The following COL4A2 variants were observed in gnomAD, a reference collection of about 807,000 sequenced individuals.
COL4A2 encodes the protein collagen alpha-2(IV) chain.
Under a neutral mutation model 200.2 loss-of-function variants are expected in COL4A2, and 99 were observed. The observed-to-expected ratio is 0.49, with a 90% confidence interval of 0.42 to 0.58. COL4A2 has a LOEUF of 0.58. Among genes scored for constraint, COL4A2 ranks in the 20% least tolerant of loss-of-function variants. The pLI is 0.00. For synonymous variants in COL4A2, 897 were observed against 900.6 expected (o/e 1.00, Z 0.07); for missense variants, 1,950 against 2,314.1 (o/e 0.84, Z 3.23).
At chr13:110,378,187 G>T (rs558857719) in intron 4 of COL4A2, among the ~76,000 whole-genome samples, 3 of 152,322 alleles carry the variant, frequency 2.0e-5, no homozygotes, top group East Asian at 1.9e-4. Context: ...GCTAAAATAA[G>T]ATGCATGCAG....
At chr13:110,475,699 G>C (rs4569124) in intron 29 of COL4A2, among the ~76,000 whole-genome samples, 63,712 of 152,138 alleles carry the variant, frequency 0.42, 13,489 homozygotes, top group Middle Eastern at 0.52. Context: ...TACAGGAGCA[G>C]CGTGCAGCGG....
chr13:110,392,285 C>T (rs573575018), intron 4 of COL4A2, among the ~76,000 whole-genome samples: 4 of 152,292 alleles, frequency 2.6e-5, no homozygotes, highest in African/African-American at 9.6e-5. Flanking sequence ...CTTGCATTCA[C>T]GTTCCAAAGC....
chr13:110,440,442 A>G (rs1339868054), intron 16 of COL4A2, among the ~76,000 whole-genome samples: 1 of 152,092 alleles, frequency 6.6e-6, no homozygotes, highest in African/African-American at 2.4e-5. Flanking sequence ...TACTAAAAAT[A>G]CAAAATTTGC....
intron 21 of COL4A2, chr13:110,458,095 T>A (rs1330826100): frequency 2.1e-6 from 1 of 469,472 alleles, no homozygotes; most frequent in East Asian, 7.0e-5. Context: ...ACTTACCACG[T>A]CTTGGCCGTT....
chr13:110,365,342 T>C (rs1877698127), intron 4 of COL4A2, among the ~76,000 whole-genome samples: 1 of 152,180 alleles, frequency 6.6e-6, no homozygotes, highest in African/African-American at 2.4e-5. Flanking sequence ...GGTTTCTCCA[T>C]GTTGGCCAGG....
intron 4 of COL4A2, among the ~76,000 whole-genome samples, chr13:110,380,098 A>C (rs1878405473): frequency 6.6e-6 from 1 of 152,146 alleles, no homozygotes; most frequent in Non-Finnish European, 1.5e-5. Flanking sequence ...TGTTTGAGCA[A>C]AGCATCTGTG....
At chr13:110,370,715 A>G (rs1160130509) in intron 4 of COL4A2, among the ~76,000 whole-genome samples, 2 of 152,202 alleles carry the variant, frequency 1.3e-5, no homozygotes, top group Non-Finnish European at 2.9e-5. Flanking sequence ...GGAGATGGAG[A>G]AATTGAAGGT....
chr13:110,481,948 C>T (rs1430113579), intron 31 of COL4A2, among the ~76,000 whole-genome samples: 4 of 119,934 alleles, frequency 3.3e-5, no homozygotes, highest in South Asian at 2.3e-4. Context: ...TCTGTCCCTC[C>T]GTGCTGGAGA....
At chr13:110,311,706 C>T (rs1332494644) in intron 3 of COL4A2, among the ~76,000 whole-genome samples, 5 of 152,200 alleles carry the variant, frequency 3.3e-5, no homozygotes, top group Non-Finnish European at 5.9e-5. Flanking sequence ...TCACTGTAGC[C>T]GCTCTGAGCA....
intron 45 of COL4A2, among the ~76,000 whole-genome samples, chr13:110,505,941 C>T (rs992390374): frequency 6.6e-6 from 1 of 152,184 alleles, no homozygotes; most frequent in Non-Finnish European, 1.5e-5. Context: ...CCTCTGTGCC[C>T]AGTGCCCTCA....
At position 110,503,902 on chromosome 13, in the gene COL4A2, C is replaced by T. The variant is rs1334113593; in HGVS notation, c.4194C>T (p.Ala1398=). ...PGIAGIPQKI[A]VQPGTVGPQG... ...TTGCAGGAATCCCCCAGAAGATTGCCGTCCAACCAGGGACAGTGGGTCCCC... is the reference window on the plus strand; with the variant it reads ...TTGCAGGAATCCCCCAGAAGATTGCTGTCCAACCAGGGACAGTGGGTCCCC... Residue 1398 remains alanine, a synonymous_variant, in exon 44 of 48, where the codon GCC becomes GCT. Coordinates refer to ENST00000360467, the MANE Select transcript of COL4A2 (RefSeq NM_001846.4). The T allele has an allele frequency of 1.1e-5, 18 of 1,613,366 alleles. No individual in the cohort carries two copies. Among genetic ancestry groups the T allele is most frequent in the Non-Finnish European group, 1.4e-5 (17 of 1,179,556 alleles).
intron 22 of COL4A2, 188 bp from the exon 23 acceptor site, chr13:110,461,926 A>T: frequency 1.4e-6 from 1 of 739,274 alleles, no homozygotes; most frequent in Non-Finnish European, 2.2e-6. Context: ...CACTGTGGCC[A>T]GTGGCCCCAC....
chr13:110,502,896 GGTGAATATATTGAAT>G, intron 41 of COL4A2: 1 of 493,920 alleles, frequency 2.0e-6, no homozygotes, highest in South Asian at 2.7e-5. Flanking sequence ...CGGCGGTGAA[GGTGAATATATTGAAT>G]GCCACTGAGC....
intron 3 of COL4A2, among the ~76,000 whole-genome samples, chr13:110,316,957 A>G (rs1274994601): frequency 6.6e-6 from 1 of 152,128 alleles, no homozygotes; most frequent in Non-Finnish European, 1.5e-5. Flanking sequence ...CATAGATGAT[A>G]GAGATAAAAG....
At chr13:110,417,321 G>C (rs1880080873) in intron 4 of COL4A2, among the ~76,000 whole-genome samples, 2 of 152,120 alleles carry the variant, frequency 1.3e-5, no homozygotes, top group African/African-American at 2.4e-5. Flanking sequence ...TAAAGGTGTA[G>C]ACTCTCCTTC....
chr13:110,491,903 A>T (rs2139536971), intron 37 of COL4A2, among the ~76,000 whole-genome samples, 167 bp from the exon 38 acceptor site: 1 of 152,352 alleles, frequency 6.6e-6, no homozygotes, highest in East Asian at 1.9e-4. Flanking sequence ...GTCTAAGACC[A>T]CCTGCATCCC....
chr13:110,431,438 CAATAAT>C (rs1222432888), intron 10 of COL4A2, among the ~76,000 whole-genome samples: 1 of 152,074 alleles, frequency 6.6e-6, no homozygotes, highest in African/African-American at 2.4e-5. Flanking sequence ...TAATAAATGA[CAATAAT>C]AATAATAGAT....
At chr13:110,377,423 G>A (rs1033181120) in intron 4 of COL4A2, among the ~76,000 whole-genome samples, 14 of 152,234 alleles carry the variant, frequency 9.2e-5, no homozygotes, top group African/African-American at 3.1e-4. Flanking sequence ...GGCTCTGGAG[G>A]TGCACTGAGC....
chr13:110,455,220 C>A (rs902493453), intron 20 of COL4A2, among the ~76,000 whole-genome samples: 1 of 152,142 alleles, frequency 6.6e-6, no homozygotes, highest in Non-Finnish European at 1.5e-5. Context: ...CTACTGCCCT[C>A]GGGGTAAAAG....
Sources: allele counts gnomAD v4.1 joint callset (sites outside exome capture counted in the v4.1 genomes callset), GRCh38; gene constraint gnomAD v4.1.1; transcripts MANE v1.5; gene names NCBI Gene and HGNC (gene_info 2026-07-23, HGNC 2026-07-21).